BMAL2: variants seen among roughly 807,000 people sequenced by gnomAD.
BMAL2 encodes the protein basic helix-loop-helix ARNT-like protein 2.
the BMAL2 span, among the ~76,000 whole-genome samples, chr12:27,352,027 A>G: frequency 2.6e-5 from 4 of 152,102 alleles, no homozygotes; most frequent in African/African-American, 7.2e-5. Context: ...ACTGCACCCT[A>G]ATTTTTTAGC....
the BMAL2 span, among the ~76,000 whole-genome samples, chr12:27,334,953 A>G: frequency 2.0e-5 from 3 of 152,210 alleles, no homozygotes; most frequent in Non-Finnish European, 2.9e-5. Flanking sequence ...GTTAAAATCC[A>G]TGGCTGTCGC....
the BMAL2 span, among the ~76,000 whole-genome samples, chr12:27,386,117 G>A: frequency 6.6e-6 from 1 of 151,732 alleles, no homozygotes; most frequent in African/African-American, 2.4e-5. Flanking sequence ...TTAAATAGAA[G>A]GATTCTTCAT....
chr12:27,405,653 C>G, the BMAL2 span, among the ~76,000 whole-genome samples: 1 of 152,158 alleles, frequency 6.6e-6, no homozygotes, highest in African/African-American at 2.4e-5. Flanking sequence ...GGGGAAAAAA[C>G]AGAGCAGAAA....
At chr12:27,364,796 T>G in the BMAL2 span, among the ~76,000 whole-genome samples, 2 of 152,148 alleles carry the variant, frequency 1.3e-5, no homozygotes, top group Non-Finnish European at 1.5e-5. Context: ...TTCCATTTGT[T>G]TGGATCTTTT....
the BMAL2 span, chr12:27,368,140 G>A: frequency 1.6e-6 from 2 of 1,230,194 alleles, no homozygotes; most frequent in South Asian, 1.5e-5. Flanking sequence ...ACAGCGCCTG[G>A]CCTTAGCTGG....
chr12:27,347,990 A>G, the BMAL2 span, among the ~76,000 whole-genome samples: 1 of 152,204 alleles, frequency 6.6e-6, no homozygotes, highest in Admixed American at 6.5e-5. Flanking sequence ...TCAGGTAACC[A>G]GATCCCCTGT....
chr12:27,355,487 T>C, the BMAL2 span, among the ~76,000 whole-genome samples: 1 of 152,200 alleles, frequency 6.6e-6, no homozygotes, highest in African/African-American at 2.4e-5. Context: ...CCAGAGTTCC[T>C]TTTTCAGCTC....
At chr12:27,422,325 A>G in the BMAL2 span, 3 of 152,340 alleles carry the variant, frequency 2.0e-5, no homozygotes, top group East Asian at 5.8e-4. Flanking sequence ...ACATCTTTCC[A>G]GAAAATTTCC....
At chr12:27,400,623 A>G in the BMAL2 span, 1 of 1,614,042 alleles carries the variant, frequency 6.2e-7, no homozygotes, top group Non-Finnish European at 8.5e-7. Context: ...AAGGAACAGT[A>G]AGAAAGACAA....
At chr12:27,391,823 C>CAGGGGGATCTGTTTG in the BMAL2 span, among the ~76,000 whole-genome samples, 1 of 152,150 alleles carries the variant, frequency 6.6e-6, no homozygotes, top group Non-Finnish European at 1.5e-5. Flanking sequence ...CAGCAGTCCT[C>CAGGGGGATCTGTTTG]AGGGGGATCT....
chr12:27,335,833 C>G, the BMAL2 span, among the ~76,000 whole-genome samples: 1 of 151,768 alleles, frequency 6.6e-6, no homozygotes, highest in South Asian at 2.1e-4. Flanking sequence ...AGGGGAGGGA[C>G]TGCCACTCCA....
chr12:27,370,170 A>G, the BMAL2 span: 4 of 1,614,132 alleles, frequency 2.5e-6, no homozygotes, highest in Non-Finnish European at 3.4e-6. Context: ...AAGCTTTCTC[A>G]GAATCCCCTT....
the BMAL2 span, among the ~76,000 whole-genome samples, chr12:27,408,400 C>T: frequency 1.3e-5 from 2 of 152,212 alleles, no homozygotes; most frequent in Non-Finnish European, 2.9e-5. Flanking sequence ...CTACCATGAT[C>T]AAGTGGGCTT....
chr12:27,406,288 T>C, the BMAL2 span, among the ~76,000 whole-genome samples: 1 of 152,040 alleles, frequency 6.6e-6, no homozygotes, highest in African/African-American at 2.4e-5. Context: ...AGACACATAA[T>C]TGTCAGATTC....
chr12:27,368,969 T>TC, the BMAL2 span, among the ~76,000 whole-genome samples: 1 of 152,168 alleles, frequency 6.6e-6, no homozygotes. Flanking sequence ...AAGCTAGAGT[T>TC]TATATGGTGA....
At chr12:27,357,371 A>T in the BMAL2 span, among the ~76,000 whole-genome samples, 1 of 152,246 alleles carries the variant, frequency 6.6e-6, no homozygotes, top group Non-Finnish European at 1.5e-5. Context: ...CATAAATGAC[A>T]CTGACAAATG....
chr12:27,372,230 C>CA, the BMAL2 span, among the ~76,000 whole-genome samples: 50,784 of 124,756 alleles, frequency 0.41, 11,051 homozygotes, highest in Admixed American at 0.5. Context: ...GACTCTATCT[C>CA]AAAAAAAAAA....
At chr12:27,335,293 C>T in the BMAL2 span, among the ~76,000 whole-genome samples, 1 of 152,056 alleles carries the variant, frequency 6.6e-6, no homozygotes, top group Non-Finnish European at 1.5e-5. Flanking sequence ...TGGTAAACAC[C>T]GAAATTGAGC....
chr12:27,336,520 T>A, the BMAL2 span, among the ~76,000 whole-genome samples: 2 of 152,222 alleles, frequency 1.3e-5, no homozygotes, highest in Non-Finnish European at 2.9e-5. Flanking sequence ...TACTTAGCTA[T>A]GTATGCCCTG....
Sources: gnomAD v4.1 joint callset for allele counts (sites outside exome capture counted in the v4.1 genomes callset) on GRCh38, gnomAD v4.1.1 for gene constraint, MANE v1.5 for transcripts, NCBI Gene and HGNC (gene_info 2026-07-23, HGNC 2026-07-21) for gene names.